Variants in DGCR2 observed in about 807,000 individuals in gnomAD.
The protein encoded by DGCR2 is DiGeorge syndrome critical region gene 2, also known as integral membrane protein DGCR2/IDD.
In DGCR2, 24 loss-of-function variants were observed where a neutral mutation model predicts 51.6. The ratio of observed to expected loss-of-function variants is 0.47; its 90% CI spans 0.34 to 0.65. DGCR2 has a LOEUF of 0.65. DGCR2 is among the 30% of genes least tolerant of loss of function. The probability of loss-of-function intolerance (pLI) is 0.01; values close to 1 mark genes in which losing one functional copy is unlikely to be tolerated. For synonymous variants in DGCR2, 340 were observed against 315.4 expected (o/e 1.08, Z -0.82); for missense variants, 765 against 772.1 (o/e 0.99, Z 0.11).
intron 1 of DGCR2, among the ~76,000 whole-genome samples, chr22:19,107,317 G>A (rs2083269883): frequency 6.6e-6 from 1 of 152,204 alleles, no homozygotes; most frequent in South Asian, 2.1e-4. Flanking sequence ...CCAAGCGCTA[G>A]GGGAGTGCCA....
rs868170886 is a variant in DGCR2 at position 19,074,417 on chromosome 22, A to G, written c.203-6192T>C. On this transcript the variant is annotated intron_variant, in intron 2 of 9. Transcript: ENST00000263196. ...CCTGGGCCACAGAGCAAGATGAAAA[A>G]AAAAAAAAAAAAGTGAAAACACAAT... Among the ~76,000 whole-genome samples, 289 of 151,718 alleles carry G rather than the reference A, an allele frequency of 1.9e-3. 3 individuals are homozygous for G. In the Middle Eastern group the frequency reaches 0.02, roughly 11 times the overall value.
At chr22:19,109,570 T>G (rs951743042) in intron 1 of DGCR2, among the ~76,000 whole-genome samples, 5 of 152,062 alleles carry the variant, frequency 3.3e-5, no homozygotes, top group African/African-American at 1.2e-4. Context: ...TCTAAAGCAG[T>G]CAAACTCTTA....
chr22:19,111,832 CT>C (rs1330059746), intron 1 of DGCR2, among the ~76,000 whole-genome samples: 1 of 148,678 alleles, frequency 6.7e-6, no homozygotes, highest in East Asian at 2.0e-4. Context: ...CATCTAAACT[CT>C]TTTTTGTTTT....
chr22:19,102,499 A>G (rs368212729), intron 1 of DGCR2, among the ~76,000 whole-genome samples: 2 of 152,086 alleles, frequency 1.3e-5, no homozygotes, highest in South Asian at 2.1e-4. Context: ...TCAGGCGATC[A>G]AGACCATCCT....
chr22:19,080,225 C>G lies in DGCR2; in HGVS notation c.202+9143G>C, dbSNP rs138135778. 2.6e-3 allele frequency among the ~76,000 whole-genome samples: 396 copies of G among 152,312 alleles called. 7 individuals are homozygous for G. The highest frequency in any genetic ancestry group is 3.9e-3 in the Non-Finnish European group (263 of 68,026). On this transcript the variant is annotated intron_variant, in intron 2 of 9. Transcript: ENST00000263196. ...CTCTTAATTCCTCTATTTTCAACCTCCACGACTCCCCTCTGTTGTACCTGG... is the reference window on the plus strand; with the variant it reads ...CTCTTAATTCCTCTATTTTCAACCTGCACGACTCCCCTCTGTTGTACCTGG...
intron 5 of DGCR2, among the ~76,000 whole-genome samples, chr22:19,058,917 C>A (rs865873711): frequency 6.6e-6 from 1 of 152,236 alleles, no homozygotes; most frequent in Non-Finnish European, 1.5e-5. Flanking sequence ...ACCTGTGTAG[C>A]GCCCCTGCCC....
intron 1 of DGCR2, among the ~76,000 whole-genome samples, chr22:19,096,595 TA>T (rs200827924): frequency 0.1 from 14,303 of 141,938 alleles, 737 homozygotes; most frequent in Middle Eastern, 0.16. Context: ...TCCATAAAGT[TA>T]ACAAAAAATT....
In DGCR2 at chr22:19,039,115, T is replaced by A; in HGVS notation, c.1403A>T (p.Asp468Val). 3 of 1,613,004 alleles carry A rather than the reference T, an allele frequency of 1.9e-6. No individual in the cohort carries two copies. Among genetic ancestry groups the A allele is most frequent in the African/African-American group, 1.3e-5 (1 of 75,048 alleles). The change falls in exon 10 of 10, where the codon GAT becomes GTT. Residue 468 changes from aspartate (D) to valine (V), a missense_variant. Asp to Val is a radical substitution (Grantham distance 152). Coordinates refer to ENST00000263196, the MANE Select transcript of DGCR2 (RefSeq NM_005137.3). Reference sequence around the variant, plus strand: ...GCTGACCTCCACAGGCTCAAAAGCATCATCGTCTGCAGGAAGAGACAGAGG... The same window carrying A: ...GCTGACCTCCACAGGCTCAAAAGCAACATCGTCTGCAGGAAGAGACAGAGG... ...DSVFYDPADDDAFEPVEVSLP... is the reference protein window; with the variant it reads ...DSVFYDPADDVAFEPVEVSLP...
intron 3 of DGCR2, among the ~76,000 whole-genome samples, 155 bp downstream of exon 3, chr22:19,067,945 C>T (rs908676140): frequency 1.3e-5 from 2 of 152,200 alleles, no homozygotes; most frequent in Non-Finnish European, 2.9e-5. Flanking sequence ...TGGGTGACTG[C>T]GGGTGGGTCA....
At chr22:19,071,148 T>C (rs2082810512) in intron 2 of DGCR2, among the ~76,000 whole-genome samples, 3 of 152,292 alleles carry the variant, frequency 2.0e-5, no homozygotes, top group Admixed American at 2.0e-4. Flanking sequence ...GGGGTCACTG[T>C]AGCACCCAGA....
intron 2 of DGCR2, among the ~76,000 whole-genome samples, chr22:19,084,742 G>A (rs1376165683): frequency 4.1e-5 from 6 of 147,026 alleles, no homozygotes; most frequent in Non-Finnish European, 7.5e-5. Flanking sequence ...CCGGCCAGCC[G>A]CCCCGTCCGG....
chr22:19,063,155 G>A, intron 5 of DGCR2, 47 bp downstream of exon 5: 6 of 1,573,778 alleles, frequency 3.8e-6, no homozygotes, highest in Non-Finnish European at 4.4e-6. Flanking sequence ...CCGAATCAGG[G>A]TGACTCTGCC....
At chr22:19,101,938 C>T (rs1405695490) in intron 1 of DGCR2, among the ~76,000 whole-genome samples, 1 of 151,896 alleles carries the variant, frequency 6.6e-6, no homozygotes, top group Non-Finnish European at 1.5e-5. Context: ...GCCTGTAATC[C>T]CAGCTACTTG....
In DGCR2 at chr22:19,038,801, C is replaced by A; in HGVS notation, c.*64G>T. On this transcript the variant is annotated 3_prime_UTR_variant, in exon 10 of 10. Transcript: ENST00000263196. ...GGGACAGGGGCCTTTCAAGTCTCCC[C>A]AGGGACCGGTGTTTTCTACAACAGA... The A allele has an allele frequency of 6.4e-7, 1 of 1,573,034 alleles. No individual in the cohort carries two copies. The highest frequency in any genetic ancestry group is 8.6e-7 in the Non-Finnish European group (1 of 1,156,222).
rs1318575921 is a variant in DGCR2, at chr22:19,093,561, C to T, written c.80-4071G>A. ...ATCAAAATTGAGAACTTTTGTTTTT[C>T]AAAAGACATGTTAAGATAATGCATA... On this transcript the variant is annotated intron_variant, in intron 1 of 9. Coordinates refer to ENST00000263196, the MANE Select transcript of DGCR2 (RefSeq NM_005137.3). Among the ~76,000 whole-genome samples, 11 of 152,000 alleles carry T rather than the reference C, an allele frequency of 7.2e-5. No individual in the cohort carries two copies. The East Asian group carries it at 1.9e-3, about 27-fold the overall frequency.
chr22:19,086,996 A>G (rs969207478), intron 2 of DGCR2, among the ~76,000 whole-genome samples: 3 of 152,232 alleles, frequency 2.0e-5, no homozygotes, highest in African/African-American at 7.2e-5. Context: ...CTTTGAGAAC[A>G]ACAAATAAAC....
chr22:19,076,842 T>A (rs2082883016), intron 2 of DGCR2, among the ~76,000 whole-genome samples: 1 of 147,712 alleles, frequency 6.8e-6, no homozygotes, highest in African/African-American at 2.5e-5. Flanking sequence ...GCCATTCTCC[T>A]GCCTCAGCCT....
At chr22:19,082,854 C>G (rs955928860) in intron 2 of DGCR2, among the ~76,000 whole-genome samples, 11 of 152,068 alleles carry the variant, frequency 7.2e-5, no homozygotes, top group African/African-American at 2.2e-4. Context: ...TCTGGGAAGC[C>G]GAAGCAGGCA....
rs772866318 is a variant in DGCR2 at position 19,063,287 on chromosome 22, CACAGAG to C, written c.549-15_549-10del. The C allele has an allele frequency of 7.4e-6, 12 of 1,613,184 alleles. 1 individual carries two copies. The highest frequency in any genetic ancestry group is 4.0e-5 in the African/African-American group (3 of 74,926). ...GATAGCCAACCCACAACCTGCAGGGCACAGAGACAGAGACAGAGATCTCAGCGGCAG... is the reference window on the plus strand; with the variant it reads ...GATAGCCAACCCACAACCTGCAGGGCACAGAGACAGAGATCTCAGCGGCAG... On this transcript the variant is annotated splice_polypyrimidine_tract_variant and intron_variant, in intron 4 of 9. Transcript: ENST00000263196.
Sources: allele counts gnomAD v4.1 joint callset (sites outside exome capture counted in the v4.1 genomes callset), GRCh38; gene constraint gnomAD v4.1.1; transcripts MANE v1.5; gene names NCBI Gene and HGNC (gene_info 2026-07-23, HGNC 2026-07-21).